The following ERC1 variants were observed in gnomAD, a reference collection of about 807,000 sequenced individuals.
ERC1 encodes the protein ELKS/RAB6-interacting/CAST family member 1, also known as RAB6 interacting protein 2.
In ERC1, 56 loss-of-function variants were observed where a neutral mutation model predicts 132.0. The ratio of observed to expected loss-of-function variants is 0.42; its 90% CI spans 0.34 to 0.53. The LOEUF is 0.53. Ranked by LOEUF, ERC1 falls within the 20% of genes least tolerant of loss-of-function variation. The pLI, the probability that ERC1 is intolerant of heterozygous loss-of-function variation, is 0.03. For missense variants in ERC1, 1,202 were observed against 1,349.9 expected, an observed-to-expected ratio of 0.89 and a Z score of 1.72; for synonymous variants, 478 against 476.1, an observed-to-expected ratio of 1.00 and a Z score of -0.05.
intron 2 of ERC1, among the ~76,000 whole-genome samples, chr12:1,066,642 GC>G (rs1200902965): frequency 1.3e-5 from 2 of 152,102 alleles, no homozygotes; most frequent in African/African-American, 4.8e-5. Context: ...TTTGAGACCA[GC>G]CTGGCCAACA....
intron 18 of ERC1, among the ~76,000 whole-genome samples, chr12:1,477,754 A>G (rs1302562428): frequency 6.6e-6 from 1 of 152,174 alleles, no homozygotes; most frequent in Admixed American, 6.5e-5. Flanking sequence ...GCCCCTTGTC[A>G]TCCTCCTTCC....
rs746267742 is a variant in ERC1 at position 1,168,479 on chromosome 12, CTTTTTTT to C, written c.1738-12046_1738-12040del. ...AACAACTTTAAATGAAGTGACTGGTCTTTTTTTTTTTTTTTTTTTTTGGAGGAGGAGT... is the reference window on the plus strand; with the variant it reads ...AACAACTTTAAATGAAGTGACTGGTCTTTTTTTTTTTTTTGGAGGAGGAGT... On this transcript the variant is annotated intron_variant, in intron 8 of 18. Transcript: ENST00000360905. Among the ~76,000 whole-genome samples the C allele has an allele frequency of 1.8e-4, 17 of 91,966 alleles. No homozygotes were observed. In the East Asian group the frequency reaches 3.6e-3, roughly 19 times the overall value. 60.3% of individuals were successfully genotyped at this position (91,966 alleles called of 152,430 possible). A position where few individuals can be genotyped will look rare whatever the true frequency, so the allele number is the denominator to read the frequency against.
In ERC1 at chr12:1,446,450, C is replaced by T. The variant is rs190578435; in HGVS notation, c.3213+1700C>T. Reference sequence around the variant, plus strand: ...CTTACCCCCTATAGATTCAATCATACCAACAGAAGGCTAAAGAAAGGCACA... The same window carrying T: ...CTTACCCCCTATAGATTCAATCATATCAACAGAAGGCTAAAGAAAGGCACA... On this transcript the variant is annotated intron_variant, in intron 18 of 18. Coordinates refer to ENST00000360905, the MANE Select transcript of ERC1 (RefSeq NM_178040.4). Among the ~76,000 whole-genome samples the T allele has an allele frequency of 1.3e-3, 203 of 152,286 alleles. 1 individual carries two copies. In the Middle Eastern group the frequency reaches 0.014, roughly 10 times the overall value.
intron 13 of ERC1, among the ~76,000 whole-genome samples, chr12:1,260,694 G>C (rs1403365194): frequency 6.6e-6 from 1 of 152,140 alleles, no homozygotes; most frequent in Non-Finnish European, 1.5e-5. Context: ...AGTAATTCTG[G>C]ACTTTGTAAA....
intron 2 of ERC1, among the ~76,000 whole-genome samples, chr12:1,072,972 C>T (rs912005313): frequency 1.6e-4 from 25 of 151,900 alleles, no homozygotes; most frequent in African/African-American, 3.4e-4. Flanking sequence ...GGATTACAGG[C>T]GTGAGCCACT....
intron 15 of ERC1, among the ~76,000 whole-genome samples, chr12:1,309,922 A>ATTTGTTTTGT (rs1396122586): frequency 4.0e-5 from 6 of 149,536 alleles, no homozygotes; most frequent in African/African-American, 1.5e-4. Context: ...TGCTGAGGGG[A>ATTTGTTTTGT]TTTGTTTTCT....
intron 14 of ERC1, among the ~76,000 whole-genome samples, chr12:1,265,961 G>C (rs1219479646): frequency 1.3e-5 from 2 of 152,146 alleles, no homozygotes; most frequent in South Asian, 4.1e-4. Flanking sequence ...GTTGAAGGAC[G>C]TCTTGGTACC....
chr12:1,308,220 T>TGCA (rs1380855051), intron 15 of ERC1, among the ~76,000 whole-genome samples: 1 of 151,774 alleles, frequency 6.6e-6, no homozygotes, highest in Admixed American at 6.6e-5. Context: ...GTTATTATTA[T>TGCA]TATTATTATT....
chr12:1,081,369 A>T (rs1459174941), intron 2 of ERC1, among the ~76,000 whole-genome samples: 1 of 152,214 alleles, frequency 6.6e-6, no homozygotes, highest in African/African-American at 2.4e-5. Context: ...CCCCTGTATA[A>T]AAAGCTTTGC....
At chr12:1,335,202 AT>A (rs925304961) in intron 15 of ERC1, among the ~76,000 whole-genome samples, 43 of 152,128 alleles carry the variant, frequency 2.8e-4, no homozygotes, top group African/African-American at 1.0e-3. Context: ...CTCTCTTCCC[AT>A]TTGGATACCC....
intron 15 of ERC1, among the ~76,000 whole-genome samples, chr12:1,293,401 T>G (rs61912042): frequency 1.0e-5 from 1 of 99,910 alleles, no homozygotes; most frequent in African/African-American, 3.6e-5. Context: ...TGCAGTGAGC[T>G]GAGATCGTGC....
At position 1,434,724 on chromosome 12, in the gene ERC1, G is replaced by A. The variant is rs79596114; in HGVS notation, c.3025-9838G>A. 5.9e-3 allele frequency among the ~76,000 whole-genome samples: 895 copies of A among 152,306 alleles called. 7 individuals carry two copies. The highest frequency in any genetic ancestry group is 0.02 in the African/African-American group (850 of 41,562). On this transcript the variant is annotated intron_variant, in intron 17 of 18. Coordinates refer to ENST00000360905, the MANE Select transcript of ERC1 (RefSeq NM_178040.4). Reference sequence around the variant, plus strand: ...GGGTGTTACATACACCCAAAGGGTCGTCTGACTGGAGATCCTTAGGCTAGT... The same window carrying A: ...GGGTGTTACATACACCCAAAGGGTCATCTGACTGGAGATCCTTAGGCTAGT...
chr12:1,133,682 G>A (rs1948989422), intron 7 of ERC1, among the ~76,000 whole-genome samples: 1 of 151,952 alleles, frequency 6.6e-6, no homozygotes, highest in Admixed American at 6.6e-5. Flanking sequence ...TTACTCTCTT[G>A]GCAAATTTCA....
At position 1,300,788 on chromosome 12, in the gene ERC1, A is replaced by G. The variant is rs182676592; in HGVS notation, c.2780+10776A>G. On this transcript the variant is annotated intron_variant, in intron 15 of 18. Coordinates refer to ENST00000360905, the MANE Select transcript of ERC1 (RefSeq NM_178040.4). ...TGCTAGTTGGAATGGCTGTTATTACAAAGTCAAATAACAGATGCTGGTGAG... is the reference window on the plus strand; with the variant it reads ...TGCTAGTTGGAATGGCTGTTATTACGAAGTCAAATAACAGATGCTGGTGAG... 3.6e-4 allele frequency among the ~76,000 whole-genome samples: 55 copies of G among 152,292 alleles called. 1 individual carries two copies. Among genetic ancestry groups the G allele is most frequent in the African/African-American group, 1.3e-3 (55 of 41,576 alleles).
intron 1 of ERC1, among the ~76,000 whole-genome samples, chr12:1,009,745 A>G (rs1048463410): frequency 1.3e-5 from 2 of 152,288 alleles, no homozygotes; most frequent in East Asian, 3.9e-4. Context: ...CAATTCAGAA[A>G]CTTTAAAATA....
At chr12:1,253,825 G>C (rs949169573) in intron 13 of ERC1, among the ~76,000 whole-genome samples, 1 of 152,184 alleles carries the variant, frequency 6.6e-6, no homozygotes, top group Non-Finnish European at 1.5e-5. Flanking sequence ...GTCTCTCCCT[G>C]TTAATCTGCC....
At chr12:1,235,859 G>A (rs1299604097) in intron 12 of ERC1, among the ~76,000 whole-genome samples, 2 of 152,158 alleles carry the variant, frequency 1.3e-5, no homozygotes, top group African/African-American at 4.8e-5. Flanking sequence ...ATATCAGAGT[G>A]CACCTAGCAG....
intron 15 of ERC1, among the ~76,000 whole-genome samples, chr12:1,366,192 A>G (rs1414977269): frequency 6.6e-6 from 1 of 152,220 alleles, no homozygotes; most frequent in Non-Finnish European, 1.5e-5. Context: ...GTTATGGTAA[A>G]TTTTATGTGT....
rs184598000 is a variant in ERC1, at chr12:1,264,428, C to T, written c.2619+1263C>T. On this transcript the variant is annotated intron_variant, in intron 14 of 18. Transcript: ENST00000360905. The stretch of plus-strand genomic sequence containing the variant: ...CTGTAATCCCAGCACTTTGGGAGGC[C>T]GAGGCGGGCGGATCACTTGAGGTCA... 5.5e-4 allele frequency among the ~76,000 whole-genome samples: 83 copies of T among 152,034 alleles called. No individual in the cohort carries two copies. The East Asian group carries it at 0.015, about 28-fold the overall frequency.
Sources: allele counts gnomAD v4.1 joint callset (sites outside exome capture counted in the v4.1 genomes callset), GRCh38; gene constraint gnomAD v4.1.1; transcripts MANE v1.5; gene names NCBI Gene and HGNC (gene_info 2026-07-23, HGNC 2026-07-21).